Variants in WDR25 observed in about 807,000 individuals in gnomAD.
WDR25 encodes WD repeat-containing protein 25.
Under a neutral mutation model 47.7 loss-of-function variants are expected in WDR25, and 35 were observed. The ratio of observed to expected loss-of-function variants is 0.73; its 90% CI spans 0.56 to 0.97. The LOEUF (loss-of-function observed/expected upper bound fraction) is 0.97. Ranked by LOEUF, WDR25 falls within the 50% of genes least tolerant of loss-of-function variation. WDR25 has a pLI of 0.00. For synonymous variants in WDR25, 248 were observed against 278.9 expected (o/e 0.89, Z 1.10); for missense variants, 634 against 704.7 (o/e 0.90, Z 1.14).
chr14:100,469,389 C>T (rs1465441392), intron 3 of WDR25, among the ~76,000 whole-genome samples: 2 of 152,208 alleles, frequency 1.3e-5, no homozygotes, highest in Non-Finnish European at 2.9e-5. Flanking sequence ...GCTTTGCACA[C>T]AGCATGTCTA....
rs1675983109 is a variant in WDR25, at chr14:100,381,651, A to C, written c.727A>C (p.Arg243=). The change falls in exon 2 of 7, where the codon AGA becomes CGA. Residue 243 remains arginine, a synonymous_variant. Transcript: ENST00000402312. ...TVPRKVLFHL[R]GHRGPVNTIQ... is the part of the protein sequence containing the mutation. ...TCCCCGGAAAGTGCTTTTCCACCTGAGAGGCCACAGGGGCCCTGTCAACAC... is the reference window on the plus strand; with the variant it reads ...TCCCCGGAAAGTGCTTTTCCACCTGCGAGGCCACAGGGGCCCTGTCAACAC... 1 of 1,614,064 alleles carries C rather than the reference A, an allele frequency of 6.2e-7. No homozygotes were observed. Among genetic ancestry groups the C allele is most frequent in the African/African-American group, 1.3e-5 (1 of 75,002 alleles).
At chr14:100,389,078 C>T (rs1429258171) in intron 2 of WDR25, among the ~76,000 whole-genome samples, 1 of 152,176 alleles carries the variant, frequency 6.6e-6, no homozygotes, top group African/African-American at 2.4e-5. Flanking sequence ...CTTAAAGGTG[C>T]TTGTCTAATG....
chr14:100,487,583 G>C (rs1458827667), intron 4 of WDR25: 1 of 152,210 alleles, frequency 6.6e-6, no homozygotes, highest in Non-Finnish European at 1.5e-5. Context: ...TGATTGTCAG[G>C]ACTAATCCTC....
At position 100,525,829 on chromosome 14, in the gene WDR25, G is replaced by T; in HGVS notation, c.1102-41G>T. 1 of 1,605,242 alleles carries T rather than the reference G, an allele frequency of 6.2e-7. No individual in the cohort carries two copies. Among genetic ancestry groups the T allele is most frequent in the Non-Finnish European group, 8.5e-7 (1 of 1,174,536 alleles). On this transcript the variant is annotated intron_variant, in intron 4 of 6. Transcript: ENST00000402312. The surrounding 1 kb of genome is among the most constrained non-coding windows in gnomAD (Gnocchi z 4.6). ...CTTCCCTGCATAGGCGCCTGTCCGT[G>T]CTGCCAGGCCTGCCAGCATGACCGG...
intron 5 of WDR25, among the ~76,000 whole-genome samples, chr14:100,526,933 T>C: frequency 1.3e-5 from 2 of 151,868 alleles, no homozygotes; most frequent in Non-Finnish European, 2.9e-5. Context: ...ACTCCTGTCA[T>C]CACCACCACA....
chr14:100,495,060 T>C (rs1373744496), intron 4 of WDR25, among the ~76,000 whole-genome samples: 1 of 152,236 alleles, frequency 6.6e-6, no homozygotes, highest in African/African-American at 2.4e-5. Flanking sequence ...CTCTGTTATA[T>C]TTTAAAGTAG....
At chr14:100,409,844 G>A (rs576810508) in intron 2 of WDR25, among the ~76,000 whole-genome samples, 19 of 152,284 alleles carry the variant, frequency 1.2e-4, no homozygotes, top group African/African-American at 4.3e-4. Context: ...ATTGCCTCTC[G>A]CGTGTATTGT....
chr14:100,457,546 G>A (rs1443543166), intron 2 of WDR25, among the ~76,000 whole-genome samples: 14 of 152,178 alleles, frequency 9.2e-5, no homozygotes, highest in East Asian at 7.7e-4. Context: ...GCAAACTTGC[G>A]CTATAAGACA....
intron 4 of WDR25, among the ~76,000 whole-genome samples, chr14:100,492,740 G>T (rs1291641180): frequency 6.6e-6 from 1 of 151,632 alleles, no homozygotes; most frequent in African/African-American, 2.4e-5. Flanking sequence ...TTTTAGCCTT[G>T]CCATAACTAA....
rs115007950 is a variant in WDR25, at chr14:100,418,704, C to T, written c.822+36958C>T. ...TGCAGCCTGCCAGTCTCAGCCACAA[C>T]GGTCAGGGTCTATGCTAAGGTGAGT... On this transcript the variant is annotated intron_variant, in intron 2 of 6. Coordinates refer to ENST00000402312, the MANE Select transcript of WDR25 (RefSeq NM_001161476.3). Among the ~76,000 whole-genome samples, 901 of 151,322 alleles carry T rather than the reference C, an allele frequency of 6.0e-3. 6 individuals carry two copies. The highest frequency in any genetic ancestry group is 0.021 in the African/African-American group (877 of 41,256).
At chr14:100,376,890 C>A in intron 1 of WDR25, 1 of 515,500 alleles carries the variant, frequency 1.9e-6, no homozygotes, top group Non-Finnish European at 2.7e-6. Flanking sequence ...CACCCGTTTG[C>A]ATTCCAGAAA....
intron 4 of WDR25, among the ~76,000 whole-genome samples, chr14:100,514,970 T>C (rs1333844310): frequency 1.3e-5 from 2 of 152,194 alleles, no homozygotes; most frequent in Non-Finnish European, 2.9e-5. Flanking sequence ...ATATTTATGC[T>C]AGGTAAAGAA....
rs1898952511 is a variant in WDR25 at position 100,449,475 on chromosome 14, G to T, written c.823-18546G>T. The stretch of plus-strand genomic sequence containing the variant: ...TTCCGGGGCCCTGCCCTGGCTGGCT[G>T]TTGCATTGGGGTGGGAGAGGCTGTC... On this transcript the variant is annotated intron_variant, in intron 2 of 6. Coordinates refer to ENST00000402312, the MANE Select transcript of WDR25 (RefSeq NM_001161476.3). This position sits in a 1 kb window ranked among gnomAD's most constrained non-coding sequence, Gnocchi z 4.2. 6.6e-6 allele frequency among the ~76,000 whole-genome samples: 1 copy of T among 152,214 alleles called. No individual in the cohort carries two copies. The highest frequency in any genetic ancestry group is 1.5e-5 in the Non-Finnish European group (1 of 68,038).
At chr14:100,393,250 G>A (rs1472360500) in intron 2 of WDR25, among the ~76,000 whole-genome samples, 1 of 152,202 alleles carries the variant, frequency 6.6e-6, no homozygotes, top group African/African-American at 2.4e-5. Context: ...ACAACTGTAG[G>A]GAAAATGAAA....
chr14:100,379,390 C>CTTT (rs148841833), intron 1 of WDR25, among the ~76,000 whole-genome samples: 2 of 135,442 alleles, frequency 1.5e-5, no homozygotes, highest in African/African-American at 2.7e-5. Context: ...CTTTTTTTTT[C>CTTT]TTTTTTTTTT....
At chr14:100,396,521 T>C (rs1161753364) in intron 2 of WDR25, among the ~76,000 whole-genome samples, 2 of 152,188 alleles carry the variant, frequency 1.3e-5, no homozygotes, top group Non-Finnish European at 2.9e-5. Flanking sequence ...TCTTGTTCTG[T>C]GTGCTGTGTT....
At chr14:100,427,829 G>C (rs1277008455) in intron 2 of WDR25, among the ~76,000 whole-genome samples, 2 of 152,230 alleles carry the variant, frequency 1.3e-5, no homozygotes, top group African/African-American at 4.8e-5. Context: ...CCAGAGCTGG[G>C]GAGGGGCTGG....
At chr14:100,501,398 A>G (rs897652522) in intron 4 of WDR25, among the ~76,000 whole-genome samples, 1 of 152,142 alleles carries the variant, frequency 6.6e-6, no homozygotes, top group East Asian at 1.9e-4. Flanking sequence ...AGCTGTCTTC[A>G]GTTTTGCTAA....
At chr14:100,412,234 C>T (rs930917802) in intron 2 of WDR25, among the ~76,000 whole-genome samples, 1 of 143,946 alleles carries the variant, frequency 6.9e-6, no homozygotes, top group Non-Finnish European at 1.5e-5. Flanking sequence ...AAAAGGTAAA[C>T]TATCCCTTGG....
Sources: gnomAD v4.1 joint callset for allele counts (sites outside exome capture counted in the v4.1 genomes callset) on GRCh38, gnomAD v4.1.1 for gene constraint, Gnocchi (gnomAD v3.1) non-coding constraint, MANE v1.5 for transcripts, NCBI Gene and HGNC (gene_info 2026-07-23, HGNC 2026-07-21) for gene names.